The following TIAM1 variants were observed in gnomAD, a reference collection of about 807,000 sequenced individuals.
The protein encoded by TIAM1 is TIAM Rac1 associated GEF 1.
Under a neutral mutation model 163.5 loss-of-function variants are expected in TIAM1, and 65 were observed. The ratio of observed to expected loss-of-function variants is 0.40; its 90% confidence interval spans 0.33 to 0.49. TIAM1 has a LOEUF of 0.49. Among genes scored for constraint, TIAM1 ranks in the 20% least tolerant of loss-of-function variants. The probability of loss-of-function intolerance (pLI) is 0.77; values close to 1 mark genes in which losing one functional copy is unlikely to be tolerated. For missense variants in TIAM1, 1,789 were observed against 2,044.7 expected (o/e 0.87, Z 2.41); for synonymous variants, 833 against 810.1 (o/e 1.03, Z -0.48).
chr21:31,319,920 T>C (rs903847405), intron 2 of TIAM1, among the ~76,000 whole-genome samples: 7 of 152,216 alleles, frequency 4.6e-5, no homozygotes, highest in African/African-American at 7.2e-5. Context: ...ATATTTTCTT[T>C]GGAGAAGTGT....
intron 1 of TIAM1, among the ~76,000 whole-genome samples, chr21:31,508,238 C>A (rs1041273956): frequency 6.6e-6 from 1 of 152,160 alleles, no homozygotes; most frequent in Non-Finnish European, 1.5e-5. Context: ...CATTGCTTGA[C>A]GCTTCCCCTC....
At chr21:31,554,712 AC>A (rs5843524) in intron 1 of TIAM1, among the ~76,000 whole-genome samples, 37 of 150,114 alleles carry the variant, frequency 2.5e-4, no homozygotes, top group African/African-American at 8.4e-4. Flanking sequence ...TAGTACCCCC[AC>A]CCCCTCCACC....
intron 2 of TIAM1, among the ~76,000 whole-genome samples, chr21:31,440,877 CAAAAAAAAA>C (rs1173881395): frequency 6.7e-6 from 1 of 148,886 alleles, no homozygotes; most frequent in Non-Finnish European, 1.5e-5. Context: ...GAGACTGTTT[CAAAAAAAAA>C]GAAAAAAAGA....
At chr21:31,467,525 C>T (rs1312483360) in intron 1 of TIAM1, among the ~76,000 whole-genome samples, 1 of 151,536 alleles carries the variant, frequency 6.6e-6, no homozygotes, top group Non-Finnish European at 1.5e-5. Context: ...ACTTGGGAGG[C>T]TGAGGCAGAA....
At chr21:31,443,284 T>C (rs2044502654) in intron 2 of TIAM1, among the ~76,000 whole-genome samples, 1 of 152,026 alleles carries the variant, frequency 6.6e-6, no homozygotes. Context: ...AACAGACATA[T>C]CAGGGCCAGC....
intron 2 of TIAM1, among the ~76,000 whole-genome samples, chr21:31,287,758 G>A (rs1482443343): frequency 6.6e-6 from 1 of 152,204 alleles, no homozygotes; most frequent in African/African-American, 2.4e-5. Flanking sequence ...ATGGGCTGGG[G>A]CTATGGATGC....
chr21:31,232,720 G>A (rs1418834578), intron 6 of TIAM1, among the ~76,000 whole-genome samples: 1 of 152,068 alleles, frequency 6.6e-6, no homozygotes. Context: ...GGTTAGTTAG[G>A]GACATCAGAT....
intron 1 of TIAM1, among the ~76,000 whole-genome samples, chr21:31,517,597 G>C (rs1346124643): frequency 6.6e-6 from 1 of 152,132 alleles, no homozygotes; most frequent in Non-Finnish European, 1.5e-5. Context: ...GAGCAATACA[G>C]TCACAGGCCA....
intron 27 of TIAM1, among the ~76,000 whole-genome samples, chr21:31,121,804 G>A (rs1011534532): frequency 3.9e-5 from 6 of 152,166 alleles, no homozygotes; most frequent in African/African-American, 1.2e-4. Context: ...GACACCATCC[G>A]ATCAAGCCAA....
chr21:31,307,445 T>C (rs1018755244), intron 2 of TIAM1, among the ~76,000 whole-genome samples: 17 of 152,128 alleles, frequency 1.1e-4, no homozygotes, highest in African/African-American at 3.9e-4. Context: ...CGGCCAGAAC[T>C]AAGGAACCAA....
chr21:31,401,729 C>A (rs1318671913), intron 2 of TIAM1, among the ~76,000 whole-genome samples: 1 of 151,500 alleles, frequency 6.6e-6, no homozygotes, highest in Admixed American at 6.6e-5. Flanking sequence ...TCGAGACCAG[C>A]GAGACCCCAT....
intron 13 of TIAM1, among the ~76,000 whole-genome samples, chr21:31,187,666 C>T (rs1601470047): frequency 6.6e-6 from 1 of 152,086 alleles, no homozygotes; most frequent in Non-Finnish European, 1.5e-5. Flanking sequence ...TTATCTTATA[C>T]TTCTCTGGGC....
At chr21:31,270,239 G>A (rs945013898) in intron 3 of TIAM1, among the ~76,000 whole-genome samples, 9 of 151,992 alleles carry the variant, frequency 5.9e-5, no homozygotes, top group Admixed American at 5.2e-4. Context: ...AGTAAATATC[G>A]GTGCATTTTA....
At chr21:31,228,991 G>A (rs567747337) in intron 6 of TIAM1, among the ~76,000 whole-genome samples, 10 of 152,246 alleles carry the variant, frequency 6.6e-5, no homozygotes, top group Admixed American at 1.3e-4. Context: ...GGAGGTAACC[G>A]CCCCCATGAT....
chr21:31,337,576 G>C (rs1602026556), intron 2 of TIAM1, among the ~76,000 whole-genome samples: 1 of 148,730 alleles, frequency 6.7e-6, no homozygotes, highest in African/African-American at 2.5e-5. Flanking sequence ...CTATTGCCCA[G>C]GCTGGAGTGC....
chr21:31,228,234 A>AG (rs1569068697), intron 6 of TIAM1, among the ~76,000 whole-genome samples: 1 of 32,418 alleles, frequency 3.1e-5, no homozygotes, highest in East Asian at 1.0e-3. Flanking sequence ...AAAAAAAAAA[A>AG]AAAAAAAAAA....
intron 8 of TIAM1, among the ~76,000 whole-genome samples, chr21:31,221,900 G>A (rs2087582454): frequency 6.6e-6 from 1 of 152,102 alleles, no homozygotes; most frequent in Non-Finnish European, 1.5e-5. Context: ...AAATAGATCT[G>A]GAGTCAAAAA....
At chr21:31,146,701 ACT>A (rs1349729124) in intron 20 of TIAM1, among the ~76,000 whole-genome samples, 192 bp downstream of exon 20, 2 of 123,858 alleles carry the variant, frequency 1.6e-5, no homozygotes, top group South Asian at 5.0e-4. Context: ...ACAGAGTGAG[ACT>A]CTGTCTCAAA....
chr21:31,164,457 C>A (rs557280700), intron 16 of TIAM1, among the ~76,000 whole-genome samples: 1 of 151,340 alleles, frequency 6.6e-6, no homozygotes, highest in South Asian at 2.1e-4. Flanking sequence ...GGAGAACTTT[C>A]TTACTATGTT....
Sources: gnomAD v4.1 joint callset for allele counts (sites outside exome capture counted in the v4.1 genomes callset) on GRCh38, gnomAD v4.1.1 for gene constraint, MANE v1.5 for transcripts, NCBI Gene and HGNC (gene_info 2026-07-23, HGNC 2026-07-21) for gene names.